The following LPP variants were observed in gnomAD, a reference collection of about 807,000 sequenced individuals.
The protein encoded by LPP is LIM domain containing preferred translocation partner in lipoma, also known as lipoma-preferred partner.
Under a neutral mutation model 60.4 loss-of-function variants are expected in LPP, and 38 were observed. The ratio of observed to expected loss-of-function variants is 0.63; its 90% confidence interval spans 0.49 to 0.83. The LOEUF is 0.83. Among genes scored for constraint, LPP ranks in the 40% least tolerant of loss-of-function variants. The probability of loss-of-function intolerance (pLI) is 0.00; values close to 1 mark genes in which losing one functional copy is unlikely to be tolerated. For missense variants in LPP, 902 were observed against 783.6 expected (o/e 1.15, Z -1.80); for synonymous variants, 328 against 290.8 (o/e 1.13, Z -1.30).
chr3:188,716,420 A>T (rs1322404494), intron 8 of LPP, among the ~76,000 whole-genome samples: 1 of 151,942 alleles, frequency 6.6e-6, no homozygotes, highest in African/African-American at 2.4e-5. Flanking sequence ...GAAACAGAAC[A>T]AAAAAAACAA....
intron 9 of LPP, among the ~76,000 whole-genome samples, chr3:188,811,208 G>A (rs1750841609): frequency 6.6e-6 from 1 of 152,038 alleles, no homozygotes; most frequent in African/African-American, 2.4e-5. Context: ...CATTTAGACT[G>A]TAACATAAGA....
At chr3:188,787,044 C>T (rs1742149504) in intron 9 of LPP, among the ~76,000 whole-genome samples, 1 of 152,148 alleles carries the variant, frequency 6.6e-6, no homozygotes, top group Non-Finnish European at 1.5e-5. Context: ...GTGGCAGATA[C>T]ATTAATCTAT....
rs1455015955 is a variant in LPP at position 188,657,277 on chromosome 3, T to TATATATATATATATATATATATATATCA, written c.1113+47437_1113+47438insATATATATATATATATATATATCAATAT. 1.4e-4 allele frequency among the ~76,000 whole-genome samples: 21 copies of TATATATATATATATATATATATATATCA among 145,190 alleles called. 1 individual carries two copies. The highest frequency in any genetic ancestry group is 5.3e-4 in the African/African-American group (21 of 39,998). On this transcript the variant is annotated intron_variant, in intron 7 of 11. Transcript: ENST00000617246. ...CAAGGTGTATATATATATATATATATATATTTCCAAAAGCAGATAGTATAG... is the reference window on the plus strand; with the variant it reads ...CAAGGTGTATATATATATATATATATATATATATATATATATATATATATATCAATATTTCCAAAAGCAGATAGTATAG...
intron 1 of LPP, among the ~76,000 whole-genome samples, chr3:188,163,211 A>T (rs1718845744): frequency 6.6e-6 from 1 of 152,034 alleles, no homozygotes; most frequent in Non-Finnish European, 1.5e-5. Flanking sequence ...ATAGCTGGAG[A>T]TCCCTCTGTA....
intron 1 of LPP, chr3:188,179,094 CAGAGAG>C (rs151265768): frequency 9.1e-5 from 24 of 264,758 alleles, no homozygotes; most frequent in Admixed American, 1.5e-4. Context: ...GGGAGAGAGA[CAGAGAG>C]AGAGAGAGAG....
chr3:188,495,160 AT>A (rs1370791043), intron 5 of LPP, among the ~76,000 whole-genome samples: 1 of 101,256 alleles, frequency 9.9e-6, no homozygotes, highest in African/African-American at 3.5e-5. Context: ...ATTTATATTT[AT>A]TTATATATAT....
At chr3:188,372,199 C>T (rs1773478510) in intron 3 of LPP, among the ~76,000 whole-genome samples, 1 of 152,054 alleles carries the variant, frequency 6.6e-6, no homozygotes, top group Admixed American at 6.6e-5. Context: ...CAGCAAAACT[C>T]CTCTCAGTGT....
At chr3:188,737,982 A>T (rs1723104260) in intron 8 of LPP, among the ~76,000 whole-genome samples, 1 of 152,174 alleles carries the variant, frequency 6.6e-6, no homozygotes, top group Admixed American at 6.5e-5. Context: ...CATTCCAGAC[A>T]TATATTGAAA....
chr3:188,686,656 T>C (rs1183627201), intron 7 of LPP, among the ~76,000 whole-genome samples: 1 of 152,204 alleles, frequency 6.6e-6, no homozygotes, highest in Non-Finnish European at 1.5e-5. Flanking sequence ...ACTGTTATGC[T>C]TTAAGCTTCC....
intron 6 of LPP, among the ~76,000 whole-genome samples, chr3:188,588,583 G>C (rs759846572): frequency 6.6e-6 from 1 of 152,124 alleles, no homozygotes; most frequent in Non-Finnish European, 1.5e-5. Flanking sequence ...AATTACTTAA[G>C]CTCACATACC....
intron 2 of LPP, among the ~76,000 whole-genome samples, chr3:188,300,110 C>A (rs1343378755): frequency 6.6e-6 from 1 of 152,058 alleles, no homozygotes; most frequent in African/African-American, 2.4e-5. Context: ...ATTAAAATAA[C>A]CCTAATGAGT....
rs1044414522 is a variant in LPP, at chr3:188,448,654, A to G, written c.194-35938A>G. 4.6e-5 allele frequency among the ~76,000 whole-genome samples: 7 copies of G among 152,258 alleles called. 1 individual carries two copies. The South Asian group carries it at 1.5e-3, about 32-fold the overall frequency. On this transcript the variant is annotated intron_variant, in intron 4 of 11. Coordinates refer to ENST00000617246, the MANE Select transcript of LPP (RefSeq NM_001375462.1). Reference sequence around the variant, plus strand: ...GGACTTGGGTAGGAGACTGTGGACTAATCTCACCTCTGGAAATTTGTGTGG... The same window carrying G: ...GGACTTGGGTAGGAGACTGTGGACTGATCTCACCTCTGGAAATTTGTGTGG...
chr3:188,803,716 A>T (rs1465263046), intron 9 of LPP, among the ~76,000 whole-genome samples: 1 of 152,216 alleles, frequency 6.6e-6, no homozygotes, highest in Non-Finnish European at 1.5e-5. Flanking sequence ...GTGGGCAATT[A>T]TCATTTTGCA....
At chr3:188,600,391 G>A (rs937016189) in intron 6 of LPP, among the ~76,000 whole-genome samples, 3 of 151,164 alleles carry the variant, frequency 2.0e-5, no homozygotes, top group African/African-American at 4.8e-5. Context: ...AATGTTATCA[G>A]TTGGGAATAG....
At chr3:188,647,614 A>T (rs925871199) in intron 7 of LPP, among the ~76,000 whole-genome samples, 4 of 152,150 alleles carry the variant, frequency 2.6e-5, no homozygotes, top group African/African-American at 9.7e-5. Context: ...TGAGACAGAG[A>T]GTGCATTCAC....
chr3:188,656,354 A>G (rs924069657), intron 7 of LPP, among the ~76,000 whole-genome samples: 12 of 152,330 alleles, frequency 7.9e-5, no homozygotes, highest in African/African-American at 2.6e-4. Flanking sequence ...CTTCAAGCTC[A>G]CAGCCTGTGA....
At chr3:188,622,811 T>C (rs1195014208) in intron 7 of LPP, among the ~76,000 whole-genome samples, 1 of 152,016 alleles carries the variant, frequency 6.6e-6, no homozygotes, top group African/African-American at 2.4e-5. Flanking sequence ...AGGCAGATCA[T>C]GAGGTCAGGA....
chr3:188,872,837 T>A, intron 11 of LPP, 74 bp downstream of exon 11: 9 of 1,589,368 alleles, frequency 5.7e-6, no homozygotes, highest in South Asian at 2.2e-5. Context: ...TTTACATAGA[T>A]GTAGCAATTA....
At chr3:188,437,679 A>G (rs2149221859) in intron 4 of LPP, among the ~76,000 whole-genome samples, 1 of 152,334 alleles carries the variant, frequency 6.6e-6, no homozygotes, top group South Asian at 2.1e-4. Flanking sequence ...ATATTTAGCA[A>G]TGGCATTATA....
Sources: gnomAD v4.1 joint callset for allele counts (sites outside exome capture counted in the v4.1 genomes callset) on GRCh38, gnomAD v4.1.1 for gene constraint, MANE v1.5 for transcripts, NCBI Gene and HGNC (gene_info 2026-07-23, HGNC 2026-07-21) for gene names.